Variants in DNAH6 observed in about 807,000 individuals in gnomAD.
DNAH6 encodes dynein axonemal heavy chain 6.
A neutral mutation model predicts 491.4 loss-of-function variants in DNAH6; 340 were observed. That is an observed-to-expected ratio of 0.69 (90% CI 0.63 to 0.76). The LOEUF (loss-of-function observed/expected upper bound fraction) is 0.76. DNAH6 is among the 30% of genes least tolerant of loss of function. The probability of loss-of-function intolerance (pLI) is 0.00; values close to 1 mark genes in which losing one functional copy is unlikely to be tolerated. For synonymous variants in DNAH6, 1,603 were observed against 1,686.1 expected, an observed-to-expected ratio of 0.95 and a Z score of 1.21; for missense variants, 4,443 against 4,972.2, an observed-to-expected ratio of 0.89 and a Z score of 3.20.
At chr2:84,786,739 T>G (rs968199574) in intron 67 of DNAH6, among the ~76,000 whole-genome samples, 2 of 152,110 alleles carry the variant, frequency 1.3e-5, no homozygotes, top group Non-Finnish European at 2.9e-5. Flanking sequence ...TATGATTCTG[T>G]GTGTGGCATA....
Position 84,718,317 on chromosome 2 carries a change from T to C in DNAH6, c.9725T>C (p.Met3242Thr). 1 of 1,551,494 alleles carries C rather than the reference T, an allele frequency of 6.4e-7. No individual in the cohort carries two copies. The change falls in exon 59 of 77, where the codon ATG (methionine) becomes ACG (threonine). Residue 3242 changes from methionine (M) to threonine (T), a missense_variant. Around this residue, in one of 3 missense-constraint regions of DNAH6, gnomAD observed 1,463 missense variants for 1,656.6 expected, o/e 0.88. Coordinates refer to ENST00000389394, the MANE Select transcript of DNAH6 (RefSeq NM_001370.2). ...LKTIEEKILR[M>T]LFTSEGNILD... Reference sequence around the variant, plus strand: ...ACTATCGAAGAGAAAATCCTGAGAATGCTCTTTACCTCTGAAGGAAATATT... The same window carrying C: ...ACTATCGAAGAGAAAATCCTGAGAACGCTCTTTACCTCTGAAGGAAATATT...
At chr2:84,598,011 A>T (rs1229611779) in intron 18 of DNAH6, among the ~76,000 whole-genome samples, 13 of 151,150 alleles carry the variant, frequency 8.6e-5, no homozygotes, top group Non-Finnish European at 1.9e-4. Flanking sequence ...GAAGCCAGTC[A>T]AAAAAAAAGG....
chr2:84,742,135 C>T (rs1457131861), intron 62 of DNAH6, among the ~76,000 whole-genome samples: 3 of 152,200 alleles, frequency 2.0e-5, no homozygotes, highest in South Asian at 2.1e-4. Context: ...GGAGGCAGCA[C>T]GCAATACCTG....
intron 71 of DNAH6, 144 bp from the exon 72 acceptor site, chr2:84,808,271 C>T (rs1679635028): frequency 2.3e-6 from 2 of 865,450 alleles, no homozygotes; most frequent in East Asian, 3.1e-5. Context: ...ATTATAGAAA[C>T]ATCACATTTA....
intron 18 of DNAH6, among the ~76,000 whole-genome samples, chr2:84,601,051 T>TTATTATTATAGTATAATAATAAC (rs1558778906): frequency 4.1e-5 from 6 of 145,140 alleles, no homozygotes; most frequent in African/African-American, 1.6e-4. Context: ...ATAATAATAA[T>TTATTATTATAGTATAATAATAAC]GTTATTATTA....
intron 59 of DNAH6, among the ~76,000 whole-genome samples, chr2:84,719,285 G>A (rs1226681314): frequency 1.3e-5 from 2 of 151,938 alleles, no homozygotes; most frequent in Non-Finnish European, 2.9e-5. Context: ...TCCTCCTGTC[G>A]TTCATTCTTC....
chr2:84,726,736 C>T (rs1418084813), intron 60 of DNAH6, among the ~76,000 whole-genome samples: 4 of 151,836 alleles, frequency 2.6e-5, no homozygotes. Context: ...AACAAACCTG[C>T]ACATTGTGCA....
rs1346376174 is a variant in DNAH6 at position 84,594,069 on chromosome 2, A to C, written c.2708A>C (p.Gln903Pro). The change falls in exon 17 of 77, where the codon CAA becomes CCA. Residue 903 changes from glutamine to proline, a missense_variant. Gln to Pro is a moderately conservative substitution (Grantham distance 76, BLOSUM62 -1). Around this residue, in one of 3 missense-constraint regions of DNAH6, gnomAD observed 2,977 missense variants for 3,296.6 expected, o/e 0.90. Coordinates refer to ENST00000389394, the MANE Select transcript of DNAH6 (RefSeq NM_001370.2). ...WDSFSEWDKLQQEWLKSKFDC... is the reference protein window; with the variant it reads ...WDSFSEWDKLPQEWLKSKFDC... ...TCTTTCTCTGAATGGGATAAACTCCAACAAGAATGGTTAAAGGTAGGGGAA... is the reference window on the plus strand; with the variant it reads ...TCTTTCTCTGAATGGGATAAACTCCCACAAGAATGGTTAAAGGTAGGGGAA... 5.8e-6 allele frequency: 9 copies of C among 1,545,428 alleles called. No homozygotes were observed. The Admixed American group carries it at 1.4e-4, about 24-fold the overall frequency.
At chr2:84,696,477 CA>C (rs1203886995) in intron 46 of DNAH6, among the ~76,000 whole-genome samples, 1 of 151,820 alleles carries the variant, frequency 6.6e-6, no homozygotes, top group African/African-American at 2.4e-5. Flanking sequence ...AGATTTGAAT[CA>C]AAAATTAGAA....
Position 84,595,690 on chromosome 2 carries a change from T to C in DNAH6, c.2769T>C (p.Val923=). Residue 923 remains valine, a synonymous_variant, in exon 18 of 77, where the codon GTT becomes GTC. Coordinates refer to ENST00000389394, the MANE Select transcript of DNAH6 (RefSeq NM_001370.2). The stretch of plus-strand genomic sequence containing the variant: ...ATCCAGAAGTCCTAAACGGTCAAGT[T>C]TCTAAATATGCTAAATTTGTGACTC... ...CLDPEVLNGQ[V]SKYAKFVTQL... is the part of the protein sequence containing the mutation. The C allele has an allele frequency of 6.4e-7, 1 of 1,551,156 alleles. No individual in the cohort carries two copies. The highest frequency in any genetic ancestry group is 8.7e-7 in the Non-Finnish European group (1 of 1,146,724).
chr2:84,665,977 A>T (rs1000611319), intron 37 of DNAH6, among the ~76,000 whole-genome samples: 1 of 152,210 alleles, frequency 6.6e-6, no homozygotes, highest in South Asian at 2.1e-4. Context: ...AATGCATCAT[A>T]TAAACAGAAC....
At chr2:84,666,731 A>G (rs1373603541) in intron 37 of DNAH6, among the ~76,000 whole-genome samples, 1 of 152,234 alleles carries the variant, frequency 6.6e-6, no homozygotes, top group Non-Finnish European at 1.5e-5. Flanking sequence ...CTTTCTTCAC[A>G]GAAGTGGAAG....
chr2:84,728,493 T>TC (rs1239917730), intron 61 of DNAH6, among the ~76,000 whole-genome samples: 1 of 152,222 alleles, frequency 6.6e-6, no homozygotes, highest in African/African-American at 2.4e-5. Context: ...TGGTGTACTA[T>TC]CCTCACCTAT....
chr2:84,492,266 A>G, the DNAH6 span, among the ~76,000 whole-genome samples: 134,261 of 152,190 alleles, frequency 0.88, 60,129 homozygotes, highest in East Asian at 1. Flanking sequence ...AAATGTGCCT[A>G]CTGTCCCTTA....
intron 21 of DNAH6, 79 bp from the exon 22 acceptor site, chr2:84,611,595 C>T: frequency 3.3e-6 from 4 of 1,226,986 alleles, no homozygotes; most frequent in Middle Eastern, 2.1e-4. Context: ...CAGTGATTCC[C>T]TGTGTCATGA....
chr2:84,743,211 T>C (rs1040107125), intron 62 of DNAH6, among the ~76,000 whole-genome samples: 1 of 152,188 alleles, frequency 6.6e-6, no homozygotes, highest in Non-Finnish European at 1.5e-5. Flanking sequence ...GCAAAGTAAT[T>C]ATAGGGACAA....
chr2:84,630,792 T>C lies in DNAH6; in HGVS notation c.4516-3712T>C, dbSNP rs554448014. 1.7e-3 allele frequency among the ~76,000 whole-genome samples: 253 copies of C among 152,324 alleles called. 1 individual carries two copies. The highest frequency in any genetic ancestry group is 5.7e-3 in the African/African-American group (237 of 41,570). ...TGATTTGGGTAATTTGGGGTTCTTA[T>C]GTGTTACAGAGTTTATTGTGAAACA... On this transcript the variant is annotated intron_variant, in intron 29 of 76. Transcript: ENST00000389394.
chr2:84,701,393 G>A (rs1305441766), intron 49 of DNAH6, 54 bp downstream of exon 49: 9 of 1,515,434 alleles, frequency 5.9e-6, no homozygotes, highest in Admixed American at 2.0e-5. Flanking sequence ...CAGAACTTTT[G>A]AGAATGCATG....
chr2:84,765,590 C>T (rs1675001952), intron 64 of DNAH6, among the ~76,000 whole-genome samples: 1 of 151,988 alleles, frequency 6.6e-6, no homozygotes, highest in African/African-American at 2.4e-5. Flanking sequence ...GATAAATGAT[C>T]TGTAGTTTCC....
Sources: allele counts gnomAD v4.1 joint callset (sites outside exome capture counted in the v4.1 genomes callset), GRCh38; gene constraint gnomAD v4.1.1; regional missense constraint gnomAD v4.1.1; transcripts MANE v1.5; gene names NCBI Gene and HGNC (gene_info 2026-07-23, HGNC 2026-07-21).